Variants in NKAIN2 observed in about 807,000 individuals in gnomAD.
The protein encoded by NKAIN2 is sodium/potassium-transporting ATPase subunit beta-1-interacting protein 2.
NKAIN2 carries 14 observed loss-of-function variants against 32.6 expected under a neutral mutation model. The observed-to-expected ratio is 0.43, with a 90% confidence interval of 0.28 to 0.67. The LOEUF is 0.67. Ranked by LOEUF, NKAIN2 falls within the 30% of genes least tolerant of loss-of-function variation. NKAIN2 has a pLI of 0.17. For synonymous variants in NKAIN2, 80 were observed against 87.2 expected (o/e 0.92, Z 0.46); for missense variants, 198 against 258.3 (o/e 0.77, Z 1.60).
At chr6:123,901,536 A>G (rs1774586168) in intron 1 of NKAIN2, among the ~76,000 whole-genome samples, 1 of 152,184 alleles carries the variant, frequency 6.6e-6, no homozygotes, top group Non-Finnish European at 1.5e-5. Flanking sequence ...TTATTATTCT[A>G]AGATTCCTGT....
intron 2 of NKAIN2, among the ~76,000 whole-genome samples, chr6:124,324,344 A>T (rs1797330983): frequency 6.6e-6 from 1 of 151,818 alleles, no homozygotes. Context: ...TTTATACCTA[A>T]GTATCTGAGG....
chr6:124,370,912 C>T (rs548695819), intron 3 of NKAIN2, among the ~76,000 whole-genome samples: 98 of 152,170 alleles, frequency 6.4e-4, no homozygotes, highest in African/African-American at 2.1e-3. Flanking sequence ...TGAATGGACT[C>T]GAGATTTTGC....
intron 2 of NKAIN2, among the ~76,000 whole-genome samples, chr6:124,332,228 T>TACAC (rs779027822): frequency 1.1e-3 from 164 of 150,836 alleles, no homozygotes; most frequent in African/African-American, 3.4e-3. Context: ...TGTGTGTATA[T>TACAC]ACACACACAC....
intron 3 of NKAIN2, among the ~76,000 whole-genome samples, chr6:124,529,860 A>C (rs1349652751): frequency 6.6e-6 from 1 of 152,254 alleles, no homozygotes; most frequent in East Asian, 1.9e-4. Flanking sequence ...TCAAATTATA[A>C]TGGGCTGAAT....
At chr6:124,700,656 T>A (rs563997180) in intron 4 of NKAIN2, among the ~76,000 whole-genome samples, 4 of 152,216 alleles carry the variant, frequency 2.6e-5, no homozygotes, top group South Asian at 2.1e-4. Context: ...GCTCACTGAT[T>A]TTAACCTAGA....
intron 4 of NKAIN2, among the ~76,000 whole-genome samples, chr6:124,662,719 G>T (rs1019485224): frequency 6.6e-6 from 1 of 152,208 alleles, no homozygotes; most frequent in Non-Finnish European, 1.5e-5. Flanking sequence ...TGGACTTGAG[G>T]TTGTGTTGGG....
At position 124,104,389 on chromosome 6, in the gene NKAIN2, G is replaced by A. The variant is rs181221524; in HGVS notation, c.55-178616G>A. Among the ~76,000 whole-genome samples the A allele has an allele frequency of 2.8e-3, 424 of 152,232 alleles. 4 individuals carry two copies. Among genetic ancestry groups the A allele is most frequent in the African/African-American group, 9.8e-3 (407 of 41,528 alleles). Reference sequence around the variant, plus strand: ...ATGATGATGATGATATTTTGGTGGTGTAAAACTTGAAACGCTTATCTGAAT... The same window carrying A: ...ATGATGATGATGATATTTTGGTGGTATAAAACTTGAAACGCTTATCTGAAT... On this transcript the variant is annotated intron_variant, in intron 1 of 6. Transcript: ENST00000368417.
intron 1 of NKAIN2, among the ~76,000 whole-genome samples, chr6:124,175,936 A>C (rs1018195909): frequency 1.3e-5 from 2 of 152,008 alleles, no homozygotes; most frequent in African/African-American, 4.8e-5. Context: ...TCTGCTTTTT[A>C]CATTTTTTTA....
chr6:124,607,996 C>T (rs1436346576), intron 3 of NKAIN2, among the ~76,000 whole-genome samples: 7 of 151,994 alleles, frequency 4.6e-5, no homozygotes, highest in Non-Finnish European at 1.5e-5. Flanking sequence ...TTAGGTATAT[C>T]GAATGCATTT....
chr6:123,876,347 T>C (rs1430662481), intron 1 of NKAIN2, among the ~76,000 whole-genome samples: 1 of 152,198 alleles, frequency 6.6e-6, no homozygotes, highest in Non-Finnish European at 1.5e-5. Flanking sequence ...AGATTATAAG[T>C]TGATTTTTGC....
At chr6:124,331,836 A>G (rs773303876) in intron 2 of NKAIN2, among the ~76,000 whole-genome samples, 2 of 152,206 alleles carry the variant, frequency 1.3e-5, no homozygotes, top group African/African-American at 2.4e-5. Flanking sequence ...TGATAAAGAT[A>G]CAATGGTTAT....
intron 3 of NKAIN2, among the ~76,000 whole-genome samples, chr6:124,530,705 A>G (rs1779492412): frequency 6.6e-6 from 1 of 152,178 alleles, no homozygotes; most frequent in Non-Finnish European, 1.5e-5. Context: ...CTTAGTTTGA[A>G]GGCCTGAAAA....
At chr6:123,885,337 T>G (rs1773663749) in intron 1 of NKAIN2, among the ~76,000 whole-genome samples, 1 of 152,298 alleles carries the variant, frequency 6.6e-6, no homozygotes, top group South Asian at 2.1e-4. Context: ...TTTGACATCC[T>G]ACAGTTTTGA....
intron 1 of NKAIN2, among the ~76,000 whole-genome samples, chr6:124,124,013 T>C (rs548455271): frequency 5.2e-5 from 4 of 77,086 alleles, no homozygotes; most frequent in South Asian, 8.3e-4. Flanking sequence ...GTCTTCCATG[T>C]GCATTACTTT....
chr6:124,144,265 C>T (rs1456782831), intron 1 of NKAIN2, among the ~76,000 whole-genome samples: 1 of 152,158 alleles, frequency 6.6e-6, no homozygotes, highest in East Asian at 1.9e-4. Flanking sequence ...TATGAGGGTA[C>T]TTACTGTGTA....
intron 3 of NKAIN2, among the ~76,000 whole-genome samples, chr6:124,398,050 G>A (rs1773463014): frequency 6.6e-6 from 1 of 151,474 alleles, no homozygotes; most frequent in South Asian, 2.1e-4. Context: ...TCAGGAGATC[G>A]AGACCATCCT....
chr6:124,257,754 A>G lies in NKAIN2; in HGVS notation c.55-25251A>G, dbSNP rs73563754. 4.9e-3 allele frequency among the ~76,000 whole-genome samples: 732 copies of G among 150,658 alleles called. 8 individuals carry two copies. The highest frequency in any genetic ancestry group is 0.017 in the African/African-American group (685 of 40,940). On this transcript the variant is annotated intron_variant, in intron 1 of 6. Transcript: ENST00000368417. ...GCACTCCTCTATGAGCTGGACATATATTAATTCATTTAATTTTTTTCTTTT... is the reference window on the plus strand; with the variant it reads ...GCACTCCTCTATGAGCTGGACATATGTTAATTCATTTAATTTTTTTCTTTT...
rs145248869 is a variant in NKAIN2 at position 124,335,849 on chromosome 6, T to C, written c.193-19418T>C. On this transcript the variant is annotated intron_variant, in intron 2 of 6. Coordinates refer to ENST00000368417, the MANE Select transcript of NKAIN2 (RefSeq NM_001040214.3). The stretch of plus-strand genomic sequence containing the variant: ...ACTGGTTAAGTTGAAACTTGCTGAT[T>C]GGTTGGAACACACTTTATCTATTTT... Among the ~76,000 whole-genome samples the C allele has an allele frequency of 3.3e-3, 501 of 152,284 alleles. 1 individual carries two copies. Among genetic ancestry groups the C allele is most frequent in the African/African-American group, 0.012 (481 of 41,556 alleles).
intron 4 of NKAIN2, among the ~76,000 whole-genome samples, chr6:124,729,428 CAGCAT>C (rs754090792): frequency 6.6e-6 from 1 of 151,872 alleles, no homozygotes; most frequent in Non-Finnish European, 1.5e-5. Flanking sequence ...AAATGTAATC[CAGCAT>C]ATAAGCAGAG....
Sources: gnomAD v4.1 joint callset for allele counts (sites outside exome capture counted in the v4.1 genomes callset) on GRCh38, gnomAD v4.1.1 for gene constraint, MANE v1.5 for transcripts, NCBI Gene and HGNC (gene_info 2026-07-23, HGNC 2026-07-21) for gene names.